FGD4: variants seen among roughly 807,000 people sequenced by gnomAD.
FGD4 encodes the protein FYVE, RhoGEF and PH domain-containing protein 4.
A neutral mutation model predicts 102.0 loss-of-function variants in FGD4; 42 were observed. That is an observed-to-expected ratio of 0.41 (90% CI 0.32 to 0.53). The LOEUF (loss-of-function observed/expected upper bound fraction) is 0.53. Among genes scored for constraint, FGD4 ranks in the 20% least tolerant of loss-of-function variants. The probability of loss-of-function intolerance (pLI) is 0.21; values close to 1 mark genes in which losing one functional copy is unlikely to be tolerated. For missense variants in FGD4, 902 were observed against 1,078.2 expected (o/e 0.84, Z 2.29); for synonymous variants, 380 against 375.7 (o/e 1.01, Z -0.13).
intron 1 of FGD4, among the ~76,000 whole-genome samples, chr12:32,527,704 C>T (rs1246294870): frequency 1.3e-5 from 2 of 152,032 alleles, no homozygotes; most frequent in Admixed American, 1.3e-4. Flanking sequence ...CTGGGATTAA[C>T]AGGTGTGAGC....
chr12:32,462,503 GTA>G (rs1943133333), intron 1 of FGD4, among the ~76,000 whole-genome samples: 1 of 152,088 alleles, frequency 6.6e-6, no homozygotes, highest in Non-Finnish European at 1.5e-5. Flanking sequence ...AACACTGTGT[GTA>G]TGTGTGTGAG....
At chr12:32,438,073 G>C (rs1041782486) in intron 1 of FGD4, among the ~76,000 whole-genome samples, 2 of 152,162 alleles carry the variant, frequency 1.3e-5, no homozygotes, top group Admixed American at 1.3e-4. Context: ...TATAGTTTTA[G>C]TAGAGACTGG....
chr12:32,632,450 A>G (rs1412522186), intron 14 of FGD4, among the ~76,000 whole-genome samples: 1 of 152,202 alleles, frequency 6.6e-6, no homozygotes, highest in Non-Finnish European at 1.5e-5. Context: ...TTGAGCCAAC[A>G]TCTGAAGGGT....
At chr12:32,528,410 A>G (rs996822839) in intron 1 of FGD4, among the ~76,000 whole-genome samples, 1 of 151,514 alleles carries the variant, frequency 6.6e-6, no homozygotes, top group Admixed American at 6.6e-5. Context: ...TTTTTTTGAG[A>G]CGGAGCCTCG....
chr12:32,580,904 AT>A (rs759707584), intron 3 of FGD4, among the ~76,000 whole-genome samples: 54 of 151,724 alleles, frequency 3.6e-4, no homozygotes, highest in Non-Finnish European at 6.0e-4. Context: ...AAAAAAAAAA[AT>A]CTGTACAAAT....
intron 4 of FGD4, among the ~76,000 whole-genome samples, chr12:32,585,872 A>G (rs920541132): frequency 6.8e-6 from 1 of 147,710 alleles, no homozygotes; most frequent in African/African-American, 2.5e-5. Flanking sequence ...GGAAATGCAG[A>G]TGAAGGAGCA....
At chr12:32,440,861 A>C (rs1052664459) in intron 1 of FGD4, among the ~76,000 whole-genome samples, 1 of 152,186 alleles carries the variant, frequency 6.6e-6, no homozygotes, top group Non-Finnish European at 1.5e-5. Flanking sequence ...TCAAACCACC[A>C]GATGCAGTCC....
intron 14 of FGD4, among the ~76,000 whole-genome samples, chr12:32,630,660 A>G (rs928697401): frequency 6.6e-6 from 1 of 152,106 alleles, no homozygotes; most frequent in Non-Finnish European, 1.5e-5. Flanking sequence ...TACTAAAAAT[A>G]CAAAAATTAG....
At position 32,399,744 on chromosome 12, in the gene FGD4, G is replaced by A. The variant is rs1238481501; in HGVS notation, c.-50G>A. The A allele has an allele frequency of 6.6e-7, 1 of 1,520,322 alleles. No individual in the cohort carries two copies. The allele number at this position is 1,520,322 out of a possible 1,614,324, so 94.2% of individuals were successfully genotyped here. Reference sequence around the variant, plus strand: ...GCGACGCCCCCCAGGGGCCGCTCGCGGCTGGACGGGAGCGGGAGGAGTCGG... The same window carrying A: ...GCGACGCCCCCCAGGGGCCGCTCGCAGCTGGACGGGAGCGGGAGGAGTCGG... On this transcript the variant is annotated 5_prime_UTR_variant, in exon 1 of 17. Coordinates refer to ENST00000534526, the MANE Select transcript of FGD4 (RefSeq NM_001370298.3).
intron 1 of FGD4, among the ~76,000 whole-genome samples, chr12:32,560,699 T>G (rs1944467207): frequency 6.6e-6 from 1 of 152,136 alleles, no homozygotes. Context: ...CCTTTTTTTT[T>G]CTTTTCTCAG....
chr12:32,432,413 C>T (rs1046479852), intron 1 of FGD4, among the ~76,000 whole-genome samples: 1 of 151,472 alleles, frequency 6.6e-6, no homozygotes, highest in Non-Finnish European at 1.5e-5. Context: ...GTCAGGATTT[C>T]GAGACCAGCC....
At chr12:32,526,996 T>A (rs1450508903) in intron 1 of FGD4, among the ~76,000 whole-genome samples, 1 of 152,184 alleles carries the variant, frequency 6.6e-6, no homozygotes, top group African/African-American at 2.4e-5. Flanking sequence ...ATTTTAAAAA[T>A]TAATAATCTA....
chr12:32,430,627 G>A (rs988789996), intron 1 of FGD4, among the ~76,000 whole-genome samples: 1 of 125,918 alleles, frequency 7.9e-6, no homozygotes, highest in Non-Finnish European at 1.7e-5. Flanking sequence ...ATAATTGCGT[G>A]TGTGTAAAAG....
chr12:32,610,809 A>G lies in FGD4; in HGVS notation c.1577A>G (p.His526Arg). 1.2e-6 allele frequency: 2 copies of G among 1,613,706 alleles called. No homozygotes were observed. Among genetic ancestry groups the G allele is most frequent in the Non-Finnish European group, 1.7e-6 (2 of 1,179,876 alleles). Residue 526 changes from histidine (H) to arginine (R), a missense_variant, in exon 9 of 17, where the codon CAT becomes CGT. His to Arg is a conservative substitution (Grantham distance 29, BLOSUM62 0). Around this residue, in one of 2 missense-constraint regions of FGD4, gnomAD observed 459 missense variants for 619.0 expected, o/e 0.74. Transcript: ENST00000534526. Reference protein sequence around the residue: ...SLEIISTAASHSNSAIRKMEN... With the variant: ...SLEIISTAASRSNSAIRKMEN... ...GAAATTATATCTACAGCAGCAAGCC[A>G]TTCTAATAGTGCAATAAGGAAAATG...
rs186472329 is a variant in FGD4 at position 32,544,818 on chromosome 12, A to C, written c.167-19319A>C. 2.1e-4 allele frequency among the ~76,000 whole-genome samples: 32 copies of C among 152,316 alleles called. No homozygotes were observed. In the East Asian group the frequency reaches 5.4e-3, roughly 26 times the overall value. On this transcript the variant is annotated intron_variant, in intron 1 of 16. Coordinates refer to ENST00000534526, the MANE Select transcript of FGD4 (RefSeq NM_001370298.3). This position sits in a 1 kb window ranked among gnomAD's most constrained non-coding sequence, Gnocchi z 4.1. ...AGCTGAAAATTATGGAATTCATTTC[A>C]TATAGCTTCCACTATAAATACTATT... is the stretch of plus-strand genomic sequence containing the variant.
At chr12:32,447,632 T>G (rs1942657634) in intron 1 of FGD4, among the ~76,000 whole-genome samples, 2 of 152,220 alleles carry the variant, frequency 1.3e-5, no homozygotes, top group Non-Finnish European at 2.9e-5. Flanking sequence ...CTGAAAGGTT[T>G]AGCATTCTAG....
rs1054480103 is a variant in FGD4 at position 32,564,207 on chromosome 12, T to A, written c.237T>A (p.Gly79=). The A allele has an allele frequency of 1.3e-6, 2 of 1,536,090 alleles. No homozygotes were observed. The highest frequency in any genetic ancestry group is 2.4e-5 in the South Asian group (2 of 84,060). ...CAAGCAGCACAACCACACTGGTTGGTGAGAATGTATCTGAAGAAGAGGCTC... is the reference window on the plus strand; with the variant it reads ...CAAGCAGCACAACCACACTGGTTGGAGAGAATGTATCTGAAGAAGAGGCTC... The part of the protein sequence containing the change: ...CSTSSTTTLV[G]ENVSEEEAQG... Residue 79 remains glycine, a synonymous_variant, in exon 2 of 17, where the codon GGT becomes GGA. Transcript: ENST00000534526.
chr12:32,625,608 A>C (rs781736896), intron 13 of FGD4, 46 bp from the exon 14 acceptor site: 189 of 1,588,464 alleles, frequency 1.2e-4, no homozygotes, highest in Non-Finnish European at 1.6e-4. Context: ...ATAAAAGGGA[A>C]TTATAGTTTT....
At chr12:32,634,522 C>A (rs779008195) in intron 15 of FGD4, among the ~76,000 whole-genome samples, 8 of 151,866 alleles carry the variant, frequency 5.3e-5, no homozygotes, top group Non-Finnish European at 1.0e-4. Flanking sequence ...AGAACTATAA[C>A]GCAGCTTATC....
Sources: gnomAD v4.1 joint callset for allele counts (sites outside exome capture counted in the v4.1 genomes callset) on GRCh38, gnomAD v4.1.1 for gene constraint, gnomAD v4.1.1 regional missense constraint, Gnocchi (gnomAD v3.1) non-coding constraint, MANE v1.5 for transcripts, NCBI Gene and HGNC (gene_info 2026-07-23, HGNC 2026-07-21) for gene names.